TMC5: variants seen among roughly 807,000 people sequenced by gnomAD.
TMC5 encodes transmembrane channel-like protein 5.
Under a neutral mutation model 110.5 loss-of-function variants are expected in TMC5, and 86 were observed. The observed-to-expected ratio is 0.78, with a 90% confidence interval of 0.65 to 0.93. The LOEUF is 0.93. Among genes scored for constraint, TMC5 ranks in the 40% least tolerant of loss-of-function variants. TMC5 has a pLI of 0.00. For synonymous variants in TMC5, 455 were observed against 439.5 expected, an observed-to-expected ratio of 1.04 and a Z score of -0.44; for missense variants, 1,144 against 1,222.8, an observed-to-expected ratio of 0.94 and a Z score of 0.96.
At chr16:19,426,866 C>T (rs913521064) in intron 1 of TMC5, among the ~76,000 whole-genome samples, 24 of 152,094 alleles carry the variant, frequency 1.6e-4, no homozygotes, top group Admixed American at 1.2e-3. Flanking sequence ...TAAACTTTGG[C>T]GCATAAAGGA....
chr16:19,487,336 G>A lies in TMC5; in HGVS notation c.2573+10G>A, dbSNP rs1406903105. 1 of 1,609,792 alleles carries A rather than the reference G, an allele frequency of 6.2e-7. No homozygotes were observed. Among genetic ancestry groups the A allele is most frequent in the Non-Finnish European group, 8.5e-7 (1 of 1,178,450 alleles). On this transcript the variant is annotated intron_variant, in intron 17 of 21. Transcript: ENST00000542583. The stretch of plus-strand genomic sequence containing the variant: ...CCATCACCATCTGGAGGTAGGAGAA[G>A]GTGGCCTTGGGGGAGGTTTTAGAGA...
chr16:19,474,255 A>G lies in TMC5; in HGVS notation c.2069A>G (p.Glu690Gly), dbSNP rs1968428855. The change falls in exon 12 of 22, where the codon GAA becomes GGA. Residue 690 changes from glutamate (E) to glycine (G), a missense_variant. By Grantham distance (98) the Glu-to-Gly change is moderately conservative (BLOSUM62 -2). Transcript: ENST00000542583. ...LVERYEMPRH[E>G]VYVLLIRNIF... ...GAGAGGTACGAGATGCCACGGCACG[A>G]AGTCTACGTTCTCCTGATCCGGTAG... 1.2e-6 allele frequency: 2 copies of G among 1,613,952 alleles called. No homozygotes were observed. Among genetic ancestry groups the G allele is most frequent in the South Asian group, 2.2e-5 (2 of 91,070 alleles).
At chr16:19,451,791 C>A (rs926803687) in intron 5 of TMC5, among the ~76,000 whole-genome samples, 1 of 149,754 alleles carries the variant, frequency 6.7e-6, no homozygotes, top group African/African-American at 2.5e-5. Context: ...GCCGCCGGAA[C>A]TTTTTCTTTT....
chr16:19,452,238 T>A (rs1469352355), intron 5 of TMC5, among the ~76,000 whole-genome samples: 1 of 152,144 alleles, frequency 6.6e-6, no homozygotes, highest in East Asian at 1.9e-4. Flanking sequence ...ACAAGGGACA[T>A]AGATGAAGAG....
chr16:19,435,604 CAT>C (rs1347737251), intron 2 of TMC5, among the ~76,000 whole-genome samples: 1 of 152,014 alleles, frequency 6.6e-6, no homozygotes, highest in Non-Finnish European at 1.5e-5. Flanking sequence ...CACACACACA[CAT>C]GCCTCCCTTT....
chr16:19,475,703 T>A (rs771871780), intron 12 of TMC5, among the ~76,000 whole-genome samples: 6 of 152,120 alleles, frequency 3.9e-5, no homozygotes, highest in Middle Eastern at 3.2e-3. Flanking sequence ...GCATTTTGCG[T>A]TCTTCAAACA....
At chr16:19,429,198 G>T (rs1352961551) in intron 1 of TMC5, among the ~76,000 whole-genome samples, 1 of 152,086 alleles carries the variant, frequency 6.6e-6, no homozygotes, top group Non-Finnish European at 1.5e-5. Flanking sequence ...TCTAAGCATA[G>T]GCCTCATTTT....
upstream of TMC5, among the ~76,000 whole-genome samples, chr16:19,413,041 G>A (rs556365272): frequency 7.9e-4 from 119 of 151,456 alleles, 2 homozygotes; most frequent in Middle Eastern, 0.031. Context: ...ACAAGGTCTG[G>A]CTGTGTTGCC....
intron 2 of TMC5, among the ~76,000 whole-genome samples, chr16:19,434,308 T>TTA (rs1168510965): frequency 9.4e-6 from 1 of 105,854 alleles, no homozygotes; most frequent in Admixed American, 1.3e-4. Context: ...ATGATCTATA[T>TTA]TATATATATA....
At chr16:19,456,508 G>T in intron 5 of TMC5, 3 of 1,326,150 alleles carry the variant, frequency 2.3e-6, no homozygotes, top group Non-Finnish European at 2.9e-6. Context: ...GGGGTTAGAT[G>T]CAGGGAGTTA....
chr16:19,457,736 T>G (rs1967922303), intron 5 of TMC5, among the ~76,000 whole-genome samples: 1 of 121,180 alleles, frequency 8.3e-6, no homozygotes, highest in African/African-American at 3.4e-5. Context: ...TTTTTTTTTT[T>G]TTTTTTTGAG....
At chr16:19,415,646 C>T (rs1160931561), upstream of TMC5, among the ~76,000 whole-genome samples, 3 of 152,172 alleles carry the variant, frequency 2.0e-5, no homozygotes, top group Non-Finnish European at 4.4e-5. Context: ...TGGCGCAGCT[C>T]CACAATGATT....
rs1181711121 is a variant in TMC5 at position 19,471,952 on chromosome 16, G to T, written c.1783-136G>T. The T allele has an allele frequency of 5.0e-6, 4 of 796,554 alleles. No individual in the cohort carries two copies. The East Asian group carries it at 8.5e-5, about 17-fold the overall frequency. The allele number at this position is 796,554 out of a possible 1,614,324, so 49.3% of individuals were successfully genotyped here. ...ATTTTTGTATTTTTGGTAGAGGCGG[G>T]GTTTCACCATGTTGTCCAGGCTGGT... On this transcript the variant is annotated intron_variant, in intron 10 of 21. Transcript: ENST00000542583.
rs545628786 is a variant in TMC5, at chr16:19,430,640, A to G, written c.-80A>G. The G allele has an allele frequency of 1.3e-5, 2 of 152,404 alleles. No individual in the cohort carries two copies. Among genetic ancestry groups the G allele is most frequent in the South Asian group, 2.1e-4 (1 of 4,826 alleles). The allele number at this position is 152,404 out of a possible 1,614,324, so 9.4% of individuals were successfully genotyped here. A position where few individuals can be genotyped will look rare whatever the true frequency, so the allele number is the denominator to read the frequency against. ...AAAGCAAGAACAATAAGGGCAAAAA[A>G]GTAAGTTTTCATACAGCTGAATTTA... On this transcript the variant is annotated splice_region_variant and 5_prime_UTR_variant, in exon 2 of 22. Coordinates refer to ENST00000542583, the MANE Select transcript of TMC5 (RefSeq NM_001261841.2).
At chr16:19,476,357 GAGAGAA>G (rs1567320809) in intron 12 of TMC5, among the ~76,000 whole-genome samples, 1 of 151,936 alleles carries the variant, frequency 6.6e-6, no homozygotes, top group East Asian at 1.9e-4. Context: ...AAGAAAGAAA[GAGAGAA>G]AGAGAGAGAG....
chr16:19,440,609 A>G lies in TMC5; in HGVS notation c.571A>G (p.Thr191Ala), dbSNP rs1433828363. The G allele has an allele frequency of 1.2e-6, 2 of 1,614,202 alleles. No individual in the cohort carries two copies. The highest frequency in any genetic ancestry group is 2.2e-5 in the East Asian group (1 of 44,884). The change falls in exon 3 of 22, where the codon ACA becomes GCA. Residue 191 changes from threonine to alanine, a missense_variant. Transcript: ENST00000542583. ...AGGATCCAGAAAGAATCTGGAACAT[A>G]CAAGTTTTAGAATCAATCCATACGC... ...HPGSRKNLEH[T>A]SFRINPYADS...
intron 17 of TMC5, among the ~76,000 whole-genome samples, chr16:19,489,135 C>A (rs1968822286): frequency 6.6e-6 from 1 of 152,136 alleles, no homozygotes; most frequent in African/African-American, 2.4e-5. Flanking sequence ...TCTGCTCATT[C>A]CTCCATAGCT....
At chr16:19,456,076 G>A (rs952651823) in intron 5 of TMC5, among the ~76,000 whole-genome samples, 4 of 151,536 alleles carry the variant, frequency 2.6e-5, no homozygotes, top group Admixed American at 1.3e-4. Context: ...GCATGGTGGC[G>A]GGCGCCTGTA....
chr16:19,465,519 A>G (rs954636118), intron 8 of TMC5, among the ~76,000 whole-genome samples: 4 of 151,754 alleles, frequency 2.6e-5, no homozygotes, highest in African/African-American at 9.7e-5. Flanking sequence ...ACAGAGCGAG[A>G]CTCCATCTCA....
Sources: gnomAD v4.1 joint callset for allele counts (sites outside exome capture counted in the v4.1 genomes callset) on GRCh38, gnomAD v4.1.1 for gene constraint, MANE v1.5 for transcripts, NCBI Gene and HGNC (gene_info 2026-07-23, HGNC 2026-07-21) for gene names.